The following OCSTAMP variants were observed in gnomAD, a reference collection of about 807,000 sequenced individuals.
The protein encoded by OCSTAMP is osteoclast stimulatory transmembrane protein.
A neutral mutation model predicts 25.2 loss-of-function variants in OCSTAMP; 17 were observed. The ratio of observed to expected loss-of-function variants is 0.68; its 90% CI spans 0.46 to 1.01. OCSTAMP has a LOEUF of 1.01. Ranked by LOEUF, OCSTAMP falls within the 50% of genes least tolerant of loss-of-function variation. OCSTAMP has a pLI of 0.00. For synonymous variants in OCSTAMP, 345 were observed against 318.9 expected, an observed-to-expected ratio of 1.08 and a Z score of -0.87; for missense variants, 664 against 694.6, an observed-to-expected ratio of 0.96 and a Z score of 0.50.
At chr20:46,548,666 C>T (rs1404951677) in intron 1 of OCSTAMP, among the ~76,000 whole-genome samples, 4 of 152,110 alleles carry the variant, frequency 2.6e-5, no homozygotes, top group East Asian at 1.9e-4. Context: ...AAAGGTTATA[C>T]GGGAATATGG....
In OCSTAMP at chr20:46,541,478, T is replaced by A. The variant is rs760699555; in HGVS notation, c.1497A>T (p.Lys499Asn). 3.2e-6 allele frequency: 5 copies of A among 1,551,250 alleles called. No homozygotes were observed. In the South Asian group the frequency reaches 5.9e-5, roughly 18 times the overall value. The change falls in exon 3 of 3, where the codon AAA becomes AAT. Residue 499 changes from lysine (K) to asparagine (N), a missense_variant. Transcript: ENST00000279028. ...LRTESSEGEG[K>N]ELWSCRDLSC... Reference sequence around the variant, plus strand: ...TCAGGTCTCTGCAACTCCAAAGCTCTTTCCCTTCTCCCTCACTGCTCTCGG... The same window carrying A: ...TCAGGTCTCTGCAACTCCAAAGCTCATTCCCTTCTCCCTCACTGCTCTCGG...
Position 46,546,174 on chromosome 20 carries a change from T to TA in OCSTAMP, c.199dup (p.Tyr67LeufsTer122), listed in dbSNP as rs2061851904. ...AAGCAGCAAGGATGCCAGCCAGTGA[T>TA]AAACCAGACCTGCAGCAGCAGCAGC... On this transcript the variant is annotated frameshift_variant, in exon 2 of 3. Transcript: ENST00000279028. LOFTEE classifies it high-confidence loss of function. The TA allele has an allele frequency of 1.9e-6, 3 of 1,551,736 alleles. No homozygotes were observed. Among genetic ancestry groups the TA allele is most frequent in the Non-Finnish European group, 2.6e-6 (3 of 1,147,012 alleles).
At chr20:46,546,539 G>A (rs1035121230) in intron 1 of OCSTAMP, among the ~76,000 whole-genome samples, 2 of 152,180 alleles carry the variant, frequency 1.3e-5, no homozygotes, top group African/African-American at 4.8e-5. Context: ...ACTCTCGCTG[G>A]AACTGTCAGG....
In OCSTAMP at chr20:46,546,129, G is replaced by C; in HGVS notation, c.245C>G (p.Ala82Gly). ...SLLLYPPGPS[A>G]MVATVCGLLV... ...GAGGCCACAGACAGTGGCAACCATGGCTGAAGGTCCAGGAGGATAAAGCAG... is the reference window on the plus strand; with the variant it reads ...GAGGCCACAGACAGTGGCAACCATGCCTGAAGGTCCAGGAGGATAAAGCAG... The change falls in exon 2 of 3, where the codon GCC becomes GGC. Residue 82 changes from alanine (A) to glycine (G), a missense_variant. By Grantham distance (60) the Ala-to-Gly change is moderately conservative (BLOSUM62 0). Coordinates refer to ENST00000279028, the MANE Select transcript of OCSTAMP (RefSeq NM_080721.3). 6.4e-7 allele frequency: 1 copy of C among 1,551,770 alleles called. No individual in the cohort carries two copies. Among genetic ancestry groups the C allele is most frequent in the Non-Finnish European group, 8.7e-7 (1 of 1,147,010 alleles).
Position 46,550,632 on chromosome 20 carries a change from A to G in OCSTAMP, c.-72T>C, listed in dbSNP as rs2061868168. ...TGGCAGGTGGAGAGGAAGTGGGGGAATCGCTGGGACTTGGGAATCCCTGCC... is the reference window on the plus strand; with the variant it reads ...TGGCAGGTGGAGAGGAAGTGGGGGAGTCGCTGGGACTTGGGAATCCCTGCC... On this transcript the variant is annotated 5_prime_UTR_variant, in exon 1 of 3. Coordinates refer to ENST00000279028, the MANE Select transcript of OCSTAMP (RefSeq NM_080721.3). The G allele has an allele frequency of 2.1e-6, 3 of 1,405,972 alleles. No homozygotes were observed. The South Asian group carries it at 3.7e-5, about 17-fold the overall frequency. The allele number at this position is 1,405,972 out of a possible 1,614,324, so 87.1% of individuals were successfully genotyped here. A position where few individuals can be genotyped will look rare whatever the true frequency, so the allele number is the denominator to read the frequency against.
At chr20:46,545,169 C>T (rs2061846902) in intron 2 of OCSTAMP, among the ~76,000 whole-genome samples, 158 bp downstream of exon 2, 1 of 152,134 alleles carries the variant, frequency 6.6e-6, no homozygotes, top group Non-Finnish European at 1.5e-5. Context: ...TTGTGGGTAT[C>T]CGATGAGTCC....
Position 46,550,525 on chromosome 20 carries a change from G to T in OCSTAMP, c.36C>A (p.Val12=). 6.4e-7 allele frequency: 1 copy of T among 1,551,684 alleles called. No individual in the cohort carries two copies. The highest frequency in any genetic ancestry group is 1.2e-5 in the South Asian group (1 of 84,046). ...AAAGTCCCCAGACCTACCCGGTCTT[G>T]ACAAGTTGCTCAGCTGCTCCTGGGT... The part of the protein sequence containing the change: ...PGHPGAAEQL[V]KTGWRSWHLG... The change falls in exon 1 of 3, where the codon GTC becomes GTA. Residue 12 remains valine (V), a synonymous_variant. Coordinates refer to ENST00000279028, the MANE Select transcript of OCSTAMP (RefSeq NM_080721.3).
chr20:46,545,890 T>G lies in OCSTAMP; in HGVS notation c.484A>C (p.Asn162His). 6.4e-7 allele frequency: 1 copy of G among 1,551,338 alleles called. No individual in the cohort carries two copies. Among genetic ancestry groups the G allele is most frequent in the South Asian group, 1.2e-5 (1 of 84,058 alleles). Residue 162 changes from asparagine (N) to histidine (H), a missense_variant, in exon 2 of 3, where the codon AAT becomes CAT. Asn to His is a moderately conservative substitution (Grantham distance 68). Coordinates refer to ENST00000279028, the MANE Select transcript of OCSTAMP (RefSeq NM_080721.3). ...GCTGCATGCAGCTGGTGAGTGGTAT[T>G]GAGGAGACTCTCCAGGGAGCCCTCG... ...VTEGSLESLL[N>H]TTHQLHAASR...
chr20:46,550,136 C>T (rs1186226859), intron 1 of OCSTAMP, among the ~76,000 whole-genome samples: 1 of 152,166 alleles, frequency 6.6e-6, no homozygotes, highest in Non-Finnish European at 1.5e-5. Flanking sequence ...AACACAGTAG[C>T]TTTTGGAATA....
Position 46,541,948 on chromosome 20 carries a change from C to A in OCSTAMP, c.1048-21G>T, listed in dbSNP as rs372354850. The A allele has an allele frequency of 3.5e-6, 5 of 1,417,414 alleles. No individual in the cohort carries two copies. The African/African-American group carries it at 6.0e-5, about 17-fold the overall frequency. The allele number at this position is 1,417,414 out of a possible 1,614,324, so 87.8% of individuals were successfully genotyped here. On this transcript the variant is annotated intron_variant, in intron 2 of 2. Transcript: ENST00000279028. ...GCCACCTTGGGAAAGGAGAAAAAGG[C>A]AGGGTCAACTGAGGGCCTCTCTGGC...
rs2061850531 is a variant in OCSTAMP at position 46,545,924 on chromosome 20, C to T, written c.450G>A (p.Arg150=). 2 of 1,551,370 alleles carry T rather than the reference C, an allele frequency of 1.3e-6. No individual in the cohort carries two copies. The highest frequency in any genetic ancestry group is 1.7e-4 in the Middle Eastern group (1 of 5,988). The change falls in exon 2 of 3, where the codon AGG becomes AGA. Residue 150 remains arginine (R), a synonymous_variant. Transcript: ENST00000279028. The part of the protein sequence containing the change: ...ANVGAAGQVL[R]CVTEGSLESL... The stretch of plus-strand genomic sequence containing the variant: ...TCTCCAGGGAGCCCTCGGTGACACA[C>T]CTCAGCACCTGCCCGGCCGCACCCA...
At chr20:46,546,938 G>GA (rs1464389943) in intron 1 of OCSTAMP, among the ~76,000 whole-genome samples, 1 of 152,146 alleles carries the variant, frequency 6.6e-6, no homozygotes, top group Admixed American at 6.5e-5. Context: ...AAACAGGAAT[G>GA]AAAAAAACAG....
chr20:46,542,438 G>T (rs1266155826), intron 2 of OCSTAMP, among the ~76,000 whole-genome samples: 1 of 152,052 alleles, frequency 6.6e-6, no homozygotes, highest in Non-Finnish European at 1.5e-5. Flanking sequence ...AAAATTAGCT[G>T]GGTGTGTTGG....
At position 46,546,017 on chromosome 20, in the gene OCSTAMP, G is replaced by A. The variant is rs752464111; in HGVS notation, c.357C>T (p.Arg119=). The change falls in exon 2 of 3, where the codon CGC becomes CGT. Residue 119 remains arginine (R), a synonymous_variant. Coordinates refer to ENST00000279028, the MANE Select transcript of OCSTAMP (RefSeq NM_080721.3). ...CAGTGCTGTAGGACAGGAGCAGCCG[G>A]CGGCCCTGCTCCATACCCAGGGTGG... ...SVPTLGMEQG[R]RLLLSYSTAT... is the part of the protein sequence containing the mutation. 7.1e-6 allele frequency: 11 copies of A among 1,551,242 alleles called. No individual in the cohort carries two copies. The East Asian group carries it at 2.0e-4, about 28-fold the overall frequency.
At position 46,541,635 on chromosome 20, in the gene OCSTAMP, G is replaced by T; in HGVS notation, c.1340C>A (p.Ala447Asp). 6.4e-7 allele frequency: 1 copy of T among 1,551,290 alleles called. No individual in the cohort carries two copies. Among genetic ancestry groups the T allele is most frequent in the Admixed American group, 2.0e-5 (1 of 51,016 alleles). The change falls in exon 3 of 3, where the codon GCC (alanine) becomes GAC (aspartate). Residue 447 changes from alanine (A) to aspartate (D), a missense_variant. Coordinates refer to ENST00000279028, the MANE Select transcript of OCSTAMP (RefSeq NM_080721.3). ...CCTGTCGTGTCTTCGCTGGAGCCGG[G>T]CGTGCAGGTGGCGGACCCTCCTCGC... is the stretch of plus-strand genomic sequence containing the variant. ...QEARRVRHLHARLQRRHDRHQ... is the reference protein window; with the variant it reads ...QEARRVRHLHDRLQRRHDRHQ...
intron 2 of OCSTAMP, among the ~76,000 whole-genome samples, chr20:46,543,299 C>CTT (rs1555872061): frequency 7.8e-4 from 35 of 44,734 alleles, no homozygotes; most frequent in South Asian, 3.7e-3. Flanking sequence ...TTCTCTCTTT[C>CTT]TCTTTCCTTT....
intron 2 of OCSTAMP, among the ~76,000 whole-genome samples, chr20:46,544,496 C>CT (rs1414348938): frequency 6.6e-6 from 1 of 152,166 alleles, no homozygotes; most frequent in Non-Finnish European, 1.5e-5. Context: ...AAGTTTGACA[C>CT]TTTGATATGT....
rs1019818105 is a variant in OCSTAMP at position 46,541,882 on chromosome 20, G to A, written c.1093C>T (p.Leu365=). The A allele has an allele frequency of 4.8e-6, 7 of 1,462,688 alleles. No homozygotes were observed. Among genetic ancestry groups the A allele is most frequent in the East Asian group, 2.5e-5 (1 of 39,854 alleles). 90.6% of individuals were successfully genotyped at this position (1,462,688 alleles called of 1,614,324 possible). A position where few individuals can be genotyped will look rare whatever the true frequency, so the allele number is the denominator to read the frequency against. Residue 365 remains leucine, a synonymous_variant, in exon 3 of 3, where the codon CTG becomes TTG. Transcript: ENST00000279028. ...GAGAGGAAGGGGCTCTCCGGAGCCA[G>A]CTGGTTGAAGAGGAAAGGGATGAAG... ...LGFIPFLFNQ[L]APESPFLSVH... is the part of the protein sequence containing the mutation.
chr20:46,546,365 G>A (rs1376862952), intron 1 of OCSTAMP, 36 bp from the exon 2 acceptor site: 5 of 1,458,844 alleles, frequency 3.4e-6, no homozygotes, highest in East Asian at 5.0e-5. Context: ...TCTCTATCAG[G>A]AGGTGGGTGG....
Sources: gnomAD v4.1 joint callset for allele counts (sites outside exome capture counted in the v4.1 genomes callset) on GRCh38, gnomAD v4.1.1 for gene constraint, MANE v1.5 for transcripts, NCBI Gene and HGNC (gene_info 2026-07-23, HGNC 2026-07-21) for gene names.